The following NAALADL2 variants were observed in gnomAD, a reference collection of about 807,000 sequenced individuals.
The protein encoded by NAALADL2 is inactive N-acetylated-alpha-linked acidic dipeptidase-like protein 2.
A neutral mutation model predicts 87.2 loss-of-function variants in NAALADL2; 76 were observed. That is an observed-to-expected ratio of 0.87 (90% confidence interval 0.72 to 1.05). The LOEUF is 1.05. Ranked by LOEUF, NAALADL2 falls within the 50% of genes least tolerant of loss-of-function variation. NAALADL2 has a pLI of 0.00. For missense variants in NAALADL2, 1,089 were observed against 945.8 expected (o/e 1.15, Z -1.99); for synonymous variants, 354 against 331.0 (o/e 1.07, Z -0.75).
At chr3:175,333,550 T>G (rs1318790576) in intron 5 of NAALADL2, among the ~76,000 whole-genome samples, 2 of 152,170 alleles carry the variant, frequency 1.3e-5, no homozygotes, top group Admixed American at 1.3e-4. Context: ...CAATATGTCA[T>G]GTGAAATAAA....
intron 1 of NAALADL2, among the ~76,000 whole-genome samples, chr3:175,008,179 ACCAGCCTAG>A (rs1749290079): frequency 6.6e-6 from 1 of 152,096 alleles, no homozygotes; most frequent in Non-Finnish European, 1.5e-5. Context: ...GGAGTTTGAG[ACCAGCCTAG>A]CCAACATAGT....
chr3:174,787,575 TC>T (rs1208181517), intron 3 of NAALADL2, among the ~76,000 whole-genome samples: 1 of 13,058 alleles, frequency 7.7e-5, no homozygotes, highest in Non-Finnish European at 1.5e-4. Flanking sequence ...CAATATATCA[TC>T]ATATATATAT....
chr3:174,704,062 C>T (rs1331567670), intron 2 of NAALADL2, among the ~76,000 whole-genome samples: 2 of 152,250 alleles, frequency 1.3e-5, no homozygotes, highest in Admixed American at 6.5e-5. Flanking sequence ...TTTATTCTAA[C>T]GGAATAGGCT....
intron 1 of NAALADL2, among the ~76,000 whole-genome samples, chr3:174,978,869 A>AT (rs1744725363): frequency 2.0e-5 from 3 of 152,188 alleles, no homozygotes; most frequent in Admixed American, 2.0e-4. Context: ...TGTTTAATGT[A>AT]TTTTATGTAG....
intron 2 of NAALADL2, among the ~76,000 whole-genome samples, chr3:174,736,138 C>G (rs1267764356): frequency 6.6e-6 from 1 of 152,050 alleles, no homozygotes; most frequent in African/African-American, 2.4e-5. Context: ...ACCTCAGAGC[C>G]CCAGAGAGAG....
In NAALADL2 at chr3:175,358,490, G is replaced by GT. The variant is rs915369240; in HGVS notation, c.1090+34168dup. Among the ~76,000 whole-genome samples the GT allele has an allele frequency of 1.4e-4, 21 of 150,916 alleles. 1 individual carries two copies. The highest frequency in any genetic ancestry group is 2.6e-4 in the Admixed American group (4 of 15,132). On this transcript the variant is annotated intron_variant, in intron 5 of 13. Transcript: ENST00000454872. ...TAAAGAATAATCTGTCACGGGAGTA[G>GT]TTTAAAAAAAAAAAGCTAAGGAAGA...
chr3:174,905,335 G>A (rs979533739), intron 1 of NAALADL2, among the ~76,000 whole-genome samples: 1 of 151,814 alleles, frequency 6.6e-6, no homozygotes, highest in Non-Finnish European at 1.5e-5. Context: ...AATAGAATTT[G>A]TTGAGGGATG....
chr3:174,811,992 C>G (rs1271989775), intron 3 of NAALADL2, among the ~76,000 whole-genome samples: 1 of 152,074 alleles, frequency 6.6e-6, no homozygotes, highest in Admixed American at 6.6e-5. Flanking sequence ...CTTGCTCCTG[C>G]CATGTAAGAT....
At chr3:174,518,737 C>T (rs962727720) in intron 1 of NAALADL2, among the ~76,000 whole-genome samples, 17 of 152,110 alleles carry the variant, frequency 1.1e-4, no homozygotes, top group Non-Finnish European at 2.1e-4. Flanking sequence ...AGCCTCTTTC[C>T]CTACCCATTT....
At chr3:175,471,603 T>A in intron 8 of NAALADL2, 36 bp from the exon 9 acceptor site, 1 of 1,170,612 alleles carries the variant, frequency 8.5e-7, no homozygotes, top group Non-Finnish European at 1.2e-6. Flanking sequence ...TATTTATTTG[T>A]CTTACAGATA....
At chr3:175,326,557 C>A (rs748204923) in intron 5 of NAALADL2, among the ~76,000 whole-genome samples, 2 of 152,120 alleles carry the variant, frequency 1.3e-5, no homozygotes, top group African/African-American at 2.4e-5. Flanking sequence ...TTTCTTACTC[C>A]ATTTTGTGTT....
chr3:175,158,665 T>C (rs1732687930), intron 2 of NAALADL2, among the ~76,000 whole-genome samples: 1 of 152,134 alleles, frequency 6.6e-6, no homozygotes, highest in South Asian at 2.1e-4. Context: ...TTTTGTCTTC[T>C]GAGCTCCAAT....
chr3:174,961,461 A>C (rs1372552146), intron 1 of NAALADL2, among the ~76,000 whole-genome samples: 1 of 152,106 alleles, frequency 6.6e-6, no homozygotes, highest in Non-Finnish European at 1.5e-5. Context: ...GTTTTGAGTG[A>C]GATGGGGAAC....
chr3:175,613,270 G>T (rs914474761), intron 10 of NAALADL2, among the ~76,000 whole-genome samples: 1 of 152,260 alleles, frequency 6.6e-6, no homozygotes, highest in East Asian at 1.9e-4. Flanking sequence ...CAAACTCCAT[G>T]TGAAAAGAAA....
chr3:175,642,499 C>CTTTTTTTTTTTTTT (rs1206070195), intron 11 of NAALADL2, among the ~76,000 whole-genome samples: 1 of 141,404 alleles, frequency 7.1e-6, no homozygotes. Flanking sequence ...TCACCCAAAT[C>CTTTTTTTTTTTTTT]TTTTTTTTTT....
chr3:175,074,717 C>T (rs1252721272), intron 1 of NAALADL2, among the ~76,000 whole-genome samples: 1 of 151,832 alleles, frequency 6.6e-6, no homozygotes, highest in African/African-American at 2.4e-5. Flanking sequence ...AATGATATGG[C>T]TGAGGGTTTT....
At chr3:175,486,429 G>A (rs1727267164) in intron 9 of NAALADL2, among the ~76,000 whole-genome samples, 1 of 152,060 alleles carries the variant, frequency 6.6e-6, no homozygotes, top group South Asian at 2.1e-4. Flanking sequence ...TGACTCAAAG[G>A]ACGTTTGTTA....
At chr3:175,311,062 T>G (rs1372762144) in intron 4 of NAALADL2, among the ~76,000 whole-genome samples, 2 of 152,108 alleles carry the variant, frequency 1.3e-5, no homozygotes, top group Non-Finnish European at 2.9e-5. Flanking sequence ...TGAATGCTCT[T>G]TATTCTTTTC....
At position 174,817,459 on chromosome 3, in the gene NAALADL2, A is replaced by T. The variant is rs539250505; in HGVS notation, c.-9+79713A>T. On this transcript the variant is annotated intron_variant, in intron 3 of 3. Transcript: ENST00000434257. ...TCTACAAAAAATTTACCAATTAGACAGGCACGGTGCCACATACTTACAGTC... is the reference window on the plus strand; with the variant it reads ...TCTACAAAAAATTTACCAATTAGACTGGCACGGTGCCACATACTTACAGTC... Among the ~76,000 whole-genome samples, 3 of 152,244 alleles carry T rather than the reference A, an allele frequency of 2.0e-5. No individual in the cohort carries two copies. In the South Asian group the frequency reaches 6.2e-4, roughly 32 times the overall value.
Sources: gnomAD v4.1 joint callset for allele counts (sites outside exome capture counted in the v4.1 genomes callset) on GRCh38, gnomAD v4.1.1 for gene constraint, MANE v1.5 for transcripts, NCBI Gene and HGNC (gene_info 2026-07-23, HGNC 2026-07-21) for gene names.